The following GALNT13 variants were observed in gnomAD, a reference collection of about 807,000 sequenced individuals.
GALNT13 encodes the protein UDP-GalNAc:polypeptide N-acetylgalactosaminyltransferase 13.
A neutral mutation model predicts 64.2 loss-of-function variants in GALNT13; 28 were observed. That is an observed-to-expected ratio of 0.44 (90% confidence interval 0.32 to 0.60). The LOEUF (loss-of-function observed/expected upper bound fraction) is 0.60, where lower values mean the gene tolerates loss of function less well. Among genes scored for constraint, GALNT13 ranks in the 20% least tolerant of loss-of-function variants. The probability of loss-of-function intolerance (pLI) is 0.05; values close to 1 mark genes in which losing one functional copy is unlikely to be tolerated. For missense variants in GALNT13, 577 were observed against 669.8 expected (o/e 0.86, Z 1.53); for synonymous variants, 214 against 224.6 (o/e 0.95, Z 0.42).
chr2:153,638,140 G>A, the GALNT13 span, among the ~76,000 whole-genome samples: 1 of 152,100 alleles, frequency 6.6e-6, no homozygotes, highest in African/African-American at 2.4e-5. Context: ...ATGTATGTTT[G>A]GGGTGGCTGG....
chr2:153,875,042 T>A (rs1309527062), intron 1 of GALNT13, among the ~76,000 whole-genome samples: 2 of 152,168 alleles, frequency 1.3e-5, no homozygotes, highest in Admixed American at 1.3e-4. Context: ...TTAAAATACT[T>A]GGGGGCTATA....
chr2:154,380,654 T>C (rs982236869), intron 9 of GALNT13, among the ~76,000 whole-genome samples: 1 of 152,006 alleles, frequency 6.6e-6, no homozygotes, highest in Non-Finnish European at 1.5e-5. Flanking sequence ...ATATTGTCTA[T>C]CAATATGTAC....
At chr2:153,710,055 C>A in the GALNT13 span, among the ~76,000 whole-genome samples, 3 of 151,978 alleles carry the variant, frequency 2.0e-5, no homozygotes, top group Non-Finnish European at 2.9e-5. Context: ...TTTCTTAGAT[C>A]TATCGCACAG....
intron 3 of GALNT13, among the ~76,000 whole-genome samples, chr2:153,977,525 G>A (rs1694160180): frequency 6.6e-6 from 1 of 152,050 alleles, no homozygotes; most frequent in South Asian, 2.1e-4. Context: ...AGAACAGGAT[G>A]GGGGAAACCA....
the GALNT13 span, among the ~76,000 whole-genome samples, chr2:153,193,855 A>G: frequency 1.3e-5 from 2 of 152,160 alleles, no homozygotes; most frequent in Non-Finnish European, 2.9e-5. Context: ...TTTGTGGAAG[A>G]CACTGTTGAG....
chr2:154,433,414 C>G (rs1432704709), intron 11 of GALNT13, among the ~76,000 whole-genome samples: 1 of 151,968 alleles, frequency 6.6e-6, no homozygotes, highest in South Asian at 2.1e-4. Flanking sequence ...CTCTGGCAGG[C>G]CAGAGAACAG....
At chr2:153,348,587 T>C in the GALNT13 span, among the ~76,000 whole-genome samples, 2 of 152,152 alleles carry the variant, frequency 1.3e-5, no homozygotes, top group African/African-American at 4.8e-5. Flanking sequence ...CAAAGGATGG[T>C]ATAGAAAATT....
chr2:153,284,577 G>A, the GALNT13 span, among the ~76,000 whole-genome samples: 20 of 152,216 alleles, frequency 1.3e-4, no homozygotes, highest in Non-Finnish European at 2.8e-4. Context: ...CTCTTTCCAA[G>A]TTAACTTCAG....
intron 4 of GALNT13, chr2:154,235,964 C>A: frequency 1.5e-6 from 1 of 648,750 alleles, no homozygotes; most frequent in Non-Finnish European, 2.3e-6. Flanking sequence ...ATGTTACAGA[C>A]ATTGGAAATA....
At chr2:154,133,464 A>T (rs1682743654) in intron 3 of GALNT13, among the ~76,000 whole-genome samples, 1 of 146,858 alleles carries the variant, frequency 6.8e-6, no homozygotes, top group Non-Finnish European at 1.5e-5. Context: ...CAATTTATTT[A>T]TAATGTCTAT....
chr2:154,077,855 T>A (rs968649420), intron 3 of GALNT13, among the ~76,000 whole-genome samples: 2 of 151,516 alleles, frequency 1.3e-5, no homozygotes, highest in Non-Finnish European at 3.0e-5. Context: ...AGCATTTTTT[T>A]AAAATCATGC....
chr2:153,931,790 A>G (rs747285173), intron 2 of GALNT13, among the ~76,000 whole-genome samples: 5 of 152,068 alleles, frequency 3.3e-5, no homozygotes, highest in Admixed American at 1.3e-4. Context: ...TTTTACATCT[A>G]TGGTCATCAG....
At chr2:153,592,064 T>TTA in the GALNT13 span, among the ~76,000 whole-genome samples, 368 of 149,496 alleles carry the variant, frequency 2.5e-3, 3 homozygotes, top group South Asian at 0.029. Context: ...GGTTAACAGA[T>TTA]TATATATATA....
chr2:153,523,623 T>TGGTA, the GALNT13 span, among the ~76,000 whole-genome samples: 3 of 152,192 alleles, frequency 2.0e-5, no homozygotes, highest in Admixed American at 6.5e-5. Context: ...TGTTTATTGC[T>TGGTA]GGTAGAGGGG....
At chr2:154,353,998 A>G (rs964411552) in intron 9 of GALNT13, among the ~76,000 whole-genome samples, 3 of 152,166 alleles carry the variant, frequency 2.0e-5, no homozygotes, top group Non-Finnish European at 4.4e-5. Context: ...TGACTTCCAT[A>G]ATAGCTACAC....
At chr2:153,785,182 A>G in the GALNT13 span, among the ~76,000 whole-genome samples, 1 of 152,144 alleles carries the variant, frequency 6.6e-6, no homozygotes, top group Non-Finnish European at 1.5e-5. Context: ...CGAAGCAACT[A>G]GGGGCTGGAG....
chr2:153,852,497 T>C, the GALNT13 span, among the ~76,000 whole-genome samples: 4 of 152,168 alleles, frequency 2.6e-5, no homozygotes, highest in Admixed American at 1.3e-4. Context: ...TAAGAGAGAT[T>C]CAAAATATAT....
chr2:153,088,648 T>C, the GALNT13 span, among the ~76,000 whole-genome samples: 13 of 152,310 alleles, frequency 8.5e-5, no homozygotes, highest in East Asian at 2.5e-3. Context: ...GCTCCAGTGT[T>C]AGATGCATAT....
the GALNT13 span, among the ~76,000 whole-genome samples, chr2:153,479,114 A>AAC: frequency 6.6e-6 from 1 of 152,124 alleles, no homozygotes; most frequent in Non-Finnish European, 1.5e-5. Context: ...GTTTCAGAGG[A>AAC]ACTGGGACAC....
Sources: allele counts gnomAD v4.1 joint callset (sites outside exome capture counted in the v4.1 genomes callset), GRCh38; gene constraint gnomAD v4.1.1; transcripts MANE v1.5; gene names NCBI Gene and HGNC (gene_info 2026-07-23, HGNC 2026-07-21).